SLC5A4: variants seen among roughly 807,000 people sequenced by gnomAD.
The protein encoded by SLC5A4 is probable glucose sensor protein SLC5A4.
A neutral mutation model predicts 70.3 loss-of-function variants in SLC5A4; 55 were observed. The observed-to-expected ratio is 0.78, with a 90% confidence interval of 0.63 to 0.98. SLC5A4 has a LOEUF of 0.98. SLC5A4 is among the 50% of genes least tolerant of loss of function. The pLI, the probability that SLC5A4 is intolerant of heterozygous loss-of-function variation, is 0.00. For missense variants in SLC5A4, 735 were observed against 839.2 expected (o/e 0.88, Z 1.53); for synonymous variants, 268 against 305.7 (o/e 0.88, Z 1.29).
chr22:32,330,127 ATGTGTCAGGGGGGCTCTGT>A, the SLC5A4 span, among the ~76,000 whole-genome samples: 1 of 80,866 alleles, frequency 1.2e-5, no homozygotes, highest in Non-Finnish European at 2.3e-5. Flanking sequence ...GGAGGCTCTG[ATGTGTCAGGGGGGCTCTGT>A]GCGTATTGGG....
At chr22:32,330,782 GGT>G in the SLC5A4 span, among the ~76,000 whole-genome samples, 16 of 118,396 alleles carry the variant, frequency 1.4e-4, 1 homozygote, top group South Asian at 5.2e-3. Context: ...TGGGGGCTCT[GGT>G]GTGTGTGTTG....
chr22:32,303,030 A>AT, the SLC5A4 span, among the ~76,000 whole-genome samples: 12 of 148,298 alleles, frequency 8.1e-5, no homozygotes, highest in South Asian at 2.1e-4. Context: ...TTGTTTACTT[A>AT]TTTTTTTTCT....
At chr22:32,335,901 G>C in the SLC5A4 span, among the ~76,000 whole-genome samples, 1 of 152,214 alleles carries the variant, frequency 6.6e-6, no homozygotes, top group African/African-American at 2.4e-5. Flanking sequence ...TCCAGCCCAC[G>C]GGCAAGCCTC....
the SLC5A4 span, among the ~76,000 whole-genome samples, chr22:32,353,372 G>A: frequency 6.6e-6 from 1 of 152,112 alleles, no homozygotes; most frequent in Non-Finnish European, 1.5e-5. Flanking sequence ...CGTGCCCGGG[G>A]GTCCCAGGCA....
At chr22:32,349,961 TC>T in the SLC5A4 span, among the ~76,000 whole-genome samples, 1 of 152,136 alleles carries the variant, frequency 6.6e-6, no homozygotes, top group Non-Finnish European at 1.5e-5. Context: ...TAGCTCTCTT[TC>T]CCCAACTAAT....
At chr22:32,330,563 C>G in the SLC5A4 span, among the ~76,000 whole-genome samples, 22 of 87,232 alleles carry the variant, frequency 2.5e-4, no homozygotes, top group Admixed American at 4.7e-4. Context: ...GTTTTGGGCT[C>G]TGTGTGTGTT....
At chr22:32,332,443 G>A in the SLC5A4 span, among the ~76,000 whole-genome samples, 6 of 152,154 alleles carry the variant, frequency 3.9e-5, no homozygotes, top group Admixed American at 1.3e-4. Flanking sequence ...TTCCAACTCC[G>A]ACAGGCTCAT....
At chr22:32,239,588 A>ATATATTTATATG (rs1926372335) in intron 5 of SLC5A4, among the ~76,000 whole-genome samples, 4 of 33,142 alleles carry the variant, frequency 1.2e-4, no homozygotes, top group Non-Finnish European at 1.1e-4. Context: ...ATATTTATAT[A>ATATATTTATATG]TATATAAATT....
the SLC5A4 span, among the ~76,000 whole-genome samples, chr22:32,322,145 T>A: frequency 6.6e-6 from 1 of 151,996 alleles, no homozygotes; most frequent in Admixed American, 6.6e-5. Context: ...GACCTAAGGG[T>A]TGGAAACCAG....
the SLC5A4 span, among the ~76,000 whole-genome samples, chr22:32,267,279 A>G: frequency 6.6e-6 from 1 of 152,210 alleles, no homozygotes; most frequent in South Asian, 2.1e-4. Flanking sequence ...TTGGATTAAG[A>G]ATGATAAGCA....
the SLC5A4 span, among the ~76,000 whole-genome samples, chr22:32,307,548 T>C: frequency 6.6e-6 from 1 of 152,112 alleles, no homozygotes; most frequent in Non-Finnish European, 1.5e-5. Context: ...GTGAGGGAAG[T>C]CCATGTCATT....
At chr22:32,301,119 C>T in the SLC5A4 span, among the ~76,000 whole-genome samples, 10 of 152,222 alleles carry the variant, frequency 6.6e-5, no homozygotes, top group South Asian at 2.1e-4. Context: ...CCCACCACTG[C>T]GCCCGGCTAA....
chr22:32,347,605 A>ACAGAAAACC, the SLC5A4 span, among the ~76,000 whole-genome samples: 1 of 150,760 alleles, frequency 6.6e-6, no homozygotes, highest in Non-Finnish European at 1.5e-5. Context: ...TATCGCAAGG[A>ACAGAAAACC]CAGAAAACCA....
At chr22:32,290,096 TTTTAC>T in the SLC5A4 span, among the ~76,000 whole-genome samples, 4 of 152,156 alleles carry the variant, frequency 2.6e-5, no homozygotes, top group Non-Finnish European at 5.9e-5. Context: ...TTTACTTTTA[TTTTAC>T]TTTAAGTTCT....
At chr22:32,248,266 T>C (rs1033042400) in intron 4 of SLC5A4, among the ~76,000 whole-genome samples, 1 of 152,192 alleles carries the variant, frequency 6.6e-6, no homozygotes, top group African/African-American at 2.4e-5. Flanking sequence ...ATAGAACTGA[T>C]GTCTGTGGTT....
chr22:32,350,263 G>A, the SLC5A4 span, among the ~76,000 whole-genome samples: 5 of 152,168 alleles, frequency 3.3e-5, no homozygotes, highest in East Asian at 7.7e-4. Context: ...TGCCCCCATT[G>A]TAAAGATGGA....
chr22:32,293,038 C>A, the SLC5A4 span, among the ~76,000 whole-genome samples: 1 of 152,214 alleles, frequency 6.6e-6, no homozygotes, highest in South Asian at 2.1e-4. Flanking sequence ...TTTATCTTTG[C>A]TAATACTTCT....
chr22:32,262,103 G>A, the SLC5A4 span, among the ~76,000 whole-genome samples: 1 of 152,122 alleles, frequency 6.6e-6, no homozygotes, highest in Non-Finnish European at 1.5e-5. Context: ...TCCACATCTT[G>A]GCTATTGTGA....
At chr22:32,265,723 C>T in the SLC5A4 span, among the ~76,000 whole-genome samples, 1 of 152,016 alleles carries the variant, frequency 6.6e-6, no homozygotes, top group South Asian at 2.1e-4. Flanking sequence ...GCCTGTAATT[C>T]CAGCTTTGCG....
Sources: gnomAD v4.1 joint callset for allele counts (sites outside exome capture counted in the v4.1 genomes callset) on GRCh38, gnomAD v4.1.1 for gene constraint, MANE v1.5 for transcripts, NCBI Gene and HGNC (gene_info 2026-07-23, HGNC 2026-07-21) for gene names.